The following MAP2 variants were observed in gnomAD, a reference collection of about 807,000 sequenced individuals.
The protein encoded by MAP2 is microtubule associated protein 2, also known as microtubule-associated protein 2.
Under a neutral mutation model 137.6 loss-of-function variants are expected in MAP2, and 14 were observed. The observed-to-expected ratio is 0.10, with a 90% CI of 0.07 to 0.16. The LOEUF (loss-of-function observed/expected upper bound fraction) is 0.16, where lower values mean the gene tolerates loss of function less well. Among genes scored for constraint, MAP2 ranks in the 10% least tolerant of loss-of-function variants. MAP2 has a pLI of 1.00. For synonymous variants in MAP2, 786 were observed against 782.3 expected, an observed-to-expected ratio of 1.00 and a Z score of -0.08; for missense variants, 2,088 against 2,191.5, an observed-to-expected ratio of 0.95 and a Z score of 0.94.
At chr2:209,468,317 C>CTTTTTTT (rs11450792) in intron 1 of MAP2, among the ~76,000 whole-genome samples, 28 of 88,508 alleles carry the variant, frequency 3.2e-4, no homozygotes, top group African/African-American at 4.1e-4. Flanking sequence ...TTTAGTGTTT[C>CTTTTTTT]TTTTTTTTTT....
chr2:209,553,443 T>A (rs1392206020), intron 2 of MAP2, among the ~76,000 whole-genome samples: 1 of 152,170 alleles, frequency 6.6e-6, no homozygotes, highest in Non-Finnish European at 1.5e-5. Context: ...TGTATGGAAA[T>A]TTAAAAATTC....
intron 2 of MAP2, among the ~76,000 whole-genome samples, chr2:209,576,602 CT>C (rs1406438652): frequency 2.6e-5 from 4 of 152,082 alleles, no homozygotes; most frequent in Non-Finnish European, 5.9e-5. Context: ...CTGTTTCCCA[CT>C]TTTTTTCCAT....
At chr2:209,487,566 A>G (rs966476874) in intron 1 of MAP2, among the ~76,000 whole-genome samples, 1 of 152,372 alleles carries the variant, frequency 6.6e-6, no homozygotes, top group South Asian at 2.1e-4. Context: ...AAATCTGAGT[A>G]TTAATGAGAA....
intron 4 of MAP2, among the ~76,000 whole-genome samples, chr2:209,640,676 A>G (rs570031404): frequency 4.9e-4 from 75 of 152,192 alleles, no homozygotes; most frequent in African/African-American, 1.8e-3. Flanking sequence ...TGGAGAAACA[A>G]TTGTTCATCA....
intron 2 of MAP2, among the ~76,000 whole-genome samples, chr2:209,535,990 A>G (rs1488659390): frequency 6.6e-6 from 1 of 152,190 alleles, no homozygotes; most frequent in Non-Finnish European, 1.5e-5. Flanking sequence ...AATGAATTTT[A>G]TACTAAGAAA....
intron 4 of MAP2, among the ~76,000 whole-genome samples, chr2:209,648,578 A>G (rs1343636045): frequency 6.7e-6 from 1 of 150,166 alleles, no homozygotes; most frequent in Admixed American, 6.7e-5. Flanking sequence ...GGGAAGAGAA[A>G]TAAGGCGGCC....
intron 1 of MAP2, among the ~76,000 whole-genome samples, chr2:209,489,420 C>T (rs2058797714): frequency 6.6e-6 from 1 of 152,146 alleles, no homozygotes; most frequent in South Asian, 2.1e-4. Flanking sequence ...AGCAAGGGAA[C>T]AAAACTGGAC....
chr2:209,647,248 C>T (rs1047249758), intron 4 of MAP2, among the ~76,000 whole-genome samples: 1 of 152,146 alleles, frequency 6.6e-6, no homozygotes, highest in Non-Finnish European at 1.5e-5. Context: ...GTCCCCACCT[C>T]CAACACTGGC....
intron 2 of MAP2, among the ~76,000 whole-genome samples, chr2:209,557,203 G>A (rs1017849801): frequency 9.2e-5 from 14 of 152,106 alleles, no homozygotes; most frequent in African/African-American, 3.1e-4. Context: ...TTGGACTTAC[G>A]GTTTCTAATT....
intron 4 of MAP2, among the ~76,000 whole-genome samples, chr2:209,641,630 A>G (rs779296301): frequency 6.6e-6 from 1 of 151,206 alleles, no homozygotes; most frequent in African/African-American, 2.4e-5. Flanking sequence ...TTATTCCACA[A>G]TATCTCCAGT....
At chr2:209,432,012 G>A (rs114000167) in intron 1 of MAP2, among the ~76,000 whole-genome samples, 3,288 of 152,244 alleles carry the variant, frequency 0.022, 57 homozygotes, top group Non-Finnish European at 0.036. Context: ...CCCAGACTTG[G>A]AAAGCCAATG....
At chr2:209,556,628 C>A (rs943416807) in intron 2 of MAP2, among the ~76,000 whole-genome samples, 5 of 142,876 alleles carry the variant, frequency 3.5e-5, no homozygotes, top group Non-Finnish European at 4.5e-5. Context: ...CCCTTGCATA[C>A]ACGCACACAT....
chr2:209,520,107 C>T (rs1012385120), intron 2 of MAP2, among the ~76,000 whole-genome samples: 1 of 152,024 alleles, frequency 6.6e-6, no homozygotes, highest in Non-Finnish European at 1.5e-5. Flanking sequence ...CCTCCCCATC[C>T]CCATCCTTTT....
chr2:209,457,598 T>C (rs941509042), intron 1 of MAP2, among the ~76,000 whole-genome samples: 1 of 152,158 alleles, frequency 6.6e-6, no homozygotes, highest in Non-Finnish European at 1.5e-5. Flanking sequence ...CCTGAACATG[T>C]AGCTTATTCT....
intron 5 of MAP2, among the ~76,000 whole-genome samples, chr2:209,657,351 T>C (rs1357078045): frequency 1.3e-5 from 2 of 152,228 alleles, no homozygotes; most frequent in Non-Finnish European, 2.9e-5. Context: ...GAAATCTCCA[T>C]ACCGTTTTCC....
intron 5 of MAP2, among the ~76,000 whole-genome samples, chr2:209,671,860 G>A (rs1302518982): frequency 6.6e-6 from 1 of 151,730 alleles, no homozygotes; most frequent in East Asian, 1.9e-4. Flanking sequence ...AAAAACCACA[G>A]GGTACGAATT....
At chr2:209,501,634 G>A (rs1234798956) in intron 1 of MAP2, among the ~76,000 whole-genome samples, 1 of 152,092 alleles carries the variant, frequency 6.6e-6, no homozygotes, top group African/African-American at 2.4e-5. Context: ...TTTTATTTGC[G>A]TTTTGCTTAG....
At position 209,612,413 on chromosome 2, in the gene MAP2, A is replaced by G. The variant is rs571467083; in HGVS notation, c.-106-12640A>G. 2.8e-4 allele frequency among the ~76,000 whole-genome samples: 42 copies of G among 152,312 alleles called. 1 individual carries two copies. Among genetic ancestry groups the G allele is most frequent in the African/African-American group, 1.0e-3 (42 of 41,580 alleles). On this transcript the variant is annotated intron_variant, in intron 3 of 15. Coordinates refer to ENST00000682079, the MANE Select transcript of MAP2 (RefSeq NM_001375505.1). ...TATCACAAGAACACTGATTTCTTCT[A>G]AAATATCTTCACAGTTTATTTCTTT...
intron 5 of MAP2, among the ~76,000 whole-genome samples, chr2:209,657,799 G>T (rs1467769053): frequency 6.6e-6 from 1 of 151,964 alleles, no homozygotes; most frequent in Non-Finnish European, 1.5e-5. Flanking sequence ...TGTTTTTGTT[G>T]CATTTACTTT....
Sources: gnomAD v4.1 joint callset for allele counts (sites outside exome capture counted in the v4.1 genomes callset) on GRCh38, gnomAD v4.1.1 for gene constraint, MANE v1.5 for transcripts, NCBI Gene and HGNC (gene_info 2026-07-23, HGNC 2026-07-21) for gene names.